NOP2: variants seen among roughly 807,000 people sequenced by gnomAD.
NOP2 encodes the protein NOP2 nucleolar protein.
Under a neutral mutation model 72.7 loss-of-function variants are expected in NOP2, and 7 were observed. That is an observed-to-expected ratio of 0.10 (90% CI 0.05 to 0.18). The LOEUF (loss-of-function observed/expected upper bound fraction) is 0.18, where lower values mean the gene tolerates loss of function less well. Among genes scored for constraint, NOP2 ranks in the 10% least tolerant of loss-of-function variants. The pLI is 1.00. For synonymous variants in NOP2, 387 were observed against 388.0 expected, an observed-to-expected ratio of 1.00 and a Z score of 0.03; for missense variants, 954 against 1,014.7, an observed-to-expected ratio of 0.94 and a Z score of 0.81.
chr12:6,566,642 G>A (rs1179047737), intron 3 of NOP2, 25 bp from the exon 4 acceptor site: 1 of 1,611,204 alleles, frequency 6.2e-7, no homozygotes, highest in African/African-American at 1.3e-5. Context: ...GAGATTCAAG[G>A]AGTGAAGAAA....
intron 9 of NOP2, among the ~76,000 whole-genome samples, chr12:6,562,778 A>G (rs1416197175): frequency 6.6e-6 from 1 of 152,178 alleles, no homozygotes; most frequent in Non-Finnish European, 1.5e-5. Context: ...TTTTTTGTGC[A>G]GTCAGGAATC....
chr12:6,567,991 G>C lies in NOP2; in HGVS notation c.-4-69C>G, dbSNP rs887527636. On this transcript the variant is annotated intron_variant, in intron 1 of 15. Transcript: ENST00000322166. ...GAGGGAACGGCAGAACGCACGCTTG[G>C]CGTATTATAGTGGGAAAGGGCACAG... The C allele has an allele frequency of 2.9e-5, 36 of 1,232,846 alleles. No homozygotes were observed. The African/African-American group carries it at 4.9e-4, about 17-fold the overall frequency. 76.4% of individuals were successfully genotyped at this position (1,232,846 alleles called of 1,614,324 possible).
At chr12:6,564,739 T>TG (rs573454356) in intron 5 of NOP2, among the ~76,000 whole-genome samples, 1 of 98,910 alleles carries the variant, frequency 1.0e-5, no homozygotes, top group Non-Finnish European at 2.3e-5. Flanking sequence ...CATTTTGTCG[T>TG]TTTTTTTTTT....
At position 6,563,701 on chromosome 12, in the gene NOP2, G is replaced by A. The variant is rs766525476; in HGVS notation, c.601C>T (p.Pro201Ser). Residue 201 changes from proline (P) to serine (S), a missense_variant, in exon 7 of 16, where the codon CCA becomes TCA. Physicochemically the swap from Pro to Ser is moderately conservative, Grantham distance 74. Transcript: ENST00000322166. ...EKEVTPESGP[P>S]KVEEADGGLQ... ...CCCCCATCTGCCTCTTCCACCTTTG[G>A]GGGGCCTGACTCAGGGGTCACTTCT... 2 of 1,613,668 alleles carry A rather than the reference G, an allele frequency of 1.2e-6. No individual in the cohort carries two copies. Among genetic ancestry groups the A allele is most frequent in the Non-Finnish European group, 1.7e-6 (2 of 1,179,764 alleles).
Position 6,557,464 on chromosome 12 carries a change from C to A in NOP2, c.1968G>T (p.Gly656=), listed in dbSNP as rs1947519406. 6.2e-6 allele frequency: 10 copies of A among 1,613,820 alleles called. No homozygotes were observed. The highest frequency in any genetic ancestry group is 8.5e-6 in the Non-Finnish European group (10 of 1,179,878). ...SFQKLNGISK[G]ADSELSTVPS... ...GTACAGTGGACAATTCTGAGTCTGCCCCTTTGGAGATGCCATTCAGCTTCT... is the reference window on the plus strand; with the variant it reads ...GTACAGTGGACAATTCTGAGTCTGCACCTTTGGAGATGCCATTCAGCTTCT... Residue 656 remains glycine, a synonymous_variant, in exon 16 of 16, where the codon GGG becomes GGT. Transcript: ENST00000322166.
At position 6,568,214 on chromosome 12, in the gene NOP2, C is replaced by A. The variant is rs575153756; in HGVS notation, c.-12G>T. ...AATTTCCTCTAGACCCACCAGAATGCGGGTTAATGTCCGAGAGTGCCCTTC... is the reference window on the plus strand; with the variant it reads ...AATTTCCTCTAGACCCACCAGAATGAGGGTTAATGTCCGAGAGTGCCCTTC... On this transcript the variant is annotated 5_prime_UTR_variant, in exon 1 of 16. Transcript: ENST00000322166. The A allele has an allele frequency of 2.8e-6, 1 of 356,880 alleles. No homozygotes were observed. Among genetic ancestry groups the A allele is most frequent in the Non-Finnish European group, 5.1e-6 (1 of 194,826 alleles). 22.1% of individuals were successfully genotyped at this position (356,880 alleles called of 1,614,324 possible).
At chr12:6,558,863 C>A (rs1592237789) in intron 15 of NOP2, among the ~76,000 whole-genome samples, 1 of 152,056 alleles carries the variant, frequency 6.6e-6, no homozygotes. Flanking sequence ...CCACACCTGG[C>A]CTATTTATTT....
chr12:6,556,975 C>A lies in NOP2; in HGVS notation c.*18G>T, dbSNP rs866519253. 3 of 1,613,230 alleles carry A rather than the reference C, an allele frequency of 1.9e-6. No homozygotes were observed. Among genetic ancestry groups the A allele is most frequent in the Non-Finnish European group, 1.7e-6 (2 of 1,179,666 alleles). ...CTGGTGACAATGGCAGTGAGCCACC[C>A]GTCTAGTTTTCAACCATCTAAGATA... is the stretch of plus-strand genomic sequence containing the variant. On this transcript the variant is annotated 3_prime_UTR_variant, in exon 16 of 16. Coordinates refer to ENST00000322166, the MANE Select transcript of NOP2 (RefSeq NM_001258308.2).
chr12:6,567,044 A>G (rs1343371194), intron 2 of NOP2, among the ~76,000 whole-genome samples: 1 of 151,740 alleles, frequency 6.6e-6, no homozygotes, highest in Non-Finnish European at 1.5e-5. Flanking sequence ...CGTGATCTCA[A>G]CTCACTGCAA....
chr12:6,556,936 G>T lies in NOP2; in HGVS notation c.*57C>A. 2 of 1,592,294 alleles carry T rather than the reference G, an allele frequency of 1.3e-6. No homozygotes were observed. Among genetic ancestry groups the T allele is most frequent in the South Asian group, 1.1e-5 (1 of 89,902 alleles). The stretch of plus-strand genomic sequence containing the variant: ...CAGTAGAGAAGGCATCCTCACAGAG[G>T]CAAGAGTTCCAACCTGGTGACAATG... On this transcript the variant is annotated 3_prime_UTR_variant, in exon 16 of 16. Coordinates refer to ENST00000322166, the MANE Select transcript of NOP2 (RefSeq NM_001258308.2).
intron 9 of NOP2, 95 bp downstream of exon 9, chr12:6,562,986 G>A (rs1947686997): frequency 1.6e-6 from 2 of 1,244,150 alleles, no homozygotes; most frequent in Non-Finnish European, 2.3e-6. Context: ...TAGGTCCTAA[G>A]GCCCCACCCA....
chr12:6,560,068 G>A lies in NOP2; in HGVS notation c.1789+30C>T. On this transcript the variant is annotated intron_variant, in intron 15 of 15. Transcript: ENST00000322166. The surrounding 1 kb of genome is among the most constrained non-coding windows in gnomAD (Gnocchi z 5.0). ...CCTGAAAGGTGGAAAGAGCAAAGGT[G>A]GTGACGAAGGGAAGAAAAAGATTAC... The A allele has an allele frequency of 1.3e-6, 2 of 1,504,664 alleles. No homozygotes were observed. Among genetic ancestry groups the A allele is most frequent in the Non-Finnish European group, 1.9e-6 (2 of 1,080,758 alleles). The allele number at this position is 1,504,664 out of a possible 1,614,324, so 93.2% of individuals were successfully genotyped here. A position where few individuals can be genotyped will look rare whatever the true frequency, so the allele number is the denominator to read the frequency against.
rs1303396919 is a variant in NOP2, at chr12:6,567,897, T to C, written c.22A>G (p.Thr8Ala). The part of the protein sequence containing the change: MGRKLDP[T>A]KEKRGPGRKA... ...CGGCCTGGCCCCCGCTTCTCCTTCG[T>C]AGGGTCCAACTTGCGCCCCATGGTA... Residue 8 changes from threonine to alanine, a missense_variant, in exon 2 of 16, where the codon ACG becomes GCG. Thr to Ala is a moderately conservative substitution (Grantham distance 58). Transcript: ENST00000322166. The C allele has an allele frequency of 1.3e-5, 21 of 1,613,866 alleles. No homozygotes were observed. Among genetic ancestry groups the C allele is most frequent in the South Asian group, 4.4e-5 (4 of 91,078 alleles).
rs759248746 is a variant in NOP2 at position 6,560,885 on chromosome 12, A to G, written c.1347+46T>C. ...TAAACATTGAGGTCAGGAAGGGAGAAGGTCAACCGGAAGAAGCCTCAGAAG... is the reference window on the plus strand; with the variant it reads ...TAAACATTGAGGTCAGGAAGGGAGAGGGTCAACCGGAAGAAGCCTCAGAAG... On this transcript the variant is annotated intron_variant, in intron 12 of 15. Transcript: ENST00000322166. The surrounding 1 kb of genome is among the most constrained non-coding windows in gnomAD (Gnocchi z 5.0). The G allele has an allele frequency of 8.1e-6, 13 of 1,612,510 alleles. No homozygotes were observed. In the South Asian group the frequency reaches 1.2e-4, roughly 15 times the overall value.
intron 9 of NOP2, 137 bp downstream of exon 9, chr12:6,562,944 G>A: frequency 3.7e-6 from 3 of 806,186 alleles, no homozygotes; most frequent in Non-Finnish European, 6.3e-6. Flanking sequence ...AGAGACATCA[G>A]GCCTCTGGGT....
At position 6,560,720 on chromosome 12, in the gene NOP2, T is replaced by G; in HGVS notation, c.1415A>C (p.Asp472Ala). The change falls in exon 13 of 16, where the codon GAT becomes GCT. Residue 472 changes from aspartate to alanine, a missense_variant. Transcript: ENST00000322166. The surrounding 1 kb of genome is among the most constrained non-coding windows in gnomAD (Gnocchi z 5.0). The part of the protein sequence containing the change: ...PCSGTGVISK[D>A]PAVKTNKDEK... ...CACCTTGTTAGTCTTCACGGCTGGA[T>G]CCTTGGAGATGACCCCAGTGCCACT... The G allele has an allele frequency of 6.2e-7, 1 of 1,613,454 alleles. No individual in the cohort carries two copies. The highest frequency in any genetic ancestry group is 8.5e-7 in the Non-Finnish European group (1 of 1,179,726).
At chr12:6,567,027 G>A (rs1161588493) in intron 2 of NOP2, among the ~76,000 whole-genome samples, 11 of 151,384 alleles carry the variant, frequency 7.3e-5, no homozygotes, top group Admixed American at 7.2e-4. Context: ...AGGCTGGAGT[G>A]CAATGGCGTG....
In NOP2 at chr12:6,566,288, G is replaced by C. The variant is rs372245655; in HGVS notation, c.287C>G (p.Ser96Cys). The C allele has an allele frequency of 6.2e-7, 1 of 1,613,910 alleles. No individual in the cohort carries two copies. Reference protein sequence around the residue: ...VQTAGKKGPQSLFNAPRGKKR... With the variant: ...VQTAGKKGPQCLFNAPRGKKR... ...CTTGCCTCGAGGAGCATTAAATAGG[G>C]ACTGGGGTCCCTTCTTACCAGCTGT... is the stretch of plus-strand genomic sequence containing the variant. The change falls in exon 5 of 16, where the codon TCC becomes TGC. Residue 96 changes from serine (S) to cysteine (C), a missense_variant. This residue lies in a region of NOP2 where 498 missense variants were observed against 478.3 expected (regional missense o/e 1.04). Coordinates refer to ENST00000322166, the MANE Select transcript of NOP2 (RefSeq NM_001258308.2).
intron 5 of NOP2, 164 bp from the exon 6 acceptor site, chr12:6,564,110 C>T: frequency 2.0e-6 from 3 of 1,507,010 alleles, no homozygotes; most frequent in Non-Finnish European, 2.7e-6. Flanking sequence ...CAGCATTGCT[C>T]ACTGTTGAAA....
Sources: allele counts gnomAD v4.1 joint callset (sites outside exome capture counted in the v4.1 genomes callset), GRCh38; gene constraint gnomAD v4.1.1; regional missense constraint gnomAD v4.1.1; non-coding constraint Gnocchi (gnomAD v3.1); transcripts MANE v1.5; gene names NCBI Gene and HGNC (gene_info 2026-07-23, HGNC 2026-07-21).